BBX: variants seen among roughly 807,000 people sequenced by gnomAD.
BBX encodes HMG box transcription factor BBX.
A neutral mutation model predicts 100.2 loss-of-function variants in BBX; 30 were observed. The ratio of observed to expected loss-of-function variants is 0.30; its 90% confidence interval spans 0.22 to 0.41. The LOEUF is 0.41. Ranked by LOEUF, BBX falls within the 10% of genes least tolerant of loss-of-function variation. The pLI is 1.00. For synonymous variants in BBX, 376 were observed against 388.1 expected (o/e 0.97, Z 0.37); for missense variants, 1,023 against 1,129.8 (o/e 0.91, Z 1.35).
At chr3:107,523,238 C>T in intron 1 of BBX, 131 bp downstream of exon 1, 3 of 224,628 alleles carry the variant, frequency 1.3e-5, no homozygotes, top group Non-Finnish European at 2.7e-5. Context: ...GCGGCGGCGG[C>T]GGCGGCGGCA....
chr3:107,781,949 G>A (rs970935654), intron 13 of BBX, among the ~76,000 whole-genome samples: 1 of 152,126 alleles, frequency 6.6e-6, no homozygotes, highest in African/African-American at 2.4e-5. Flanking sequence ...TGTTTGAGGT[G>A]GGGCCAAGCC....
chr3:107,772,972 A>G lies in BBX; in HGVS notation c.1251A>G (p.Ile417Met). The change falls in exon 11 of 18, where the codon ATA becomes ATG. Residue 417 changes from isoleucine to methionine, a missense_variant. Ile to Met is a conservative substitution (Grantham distance 10). This residue lies in a region of BBX where 348 missense variants were observed against 353.2 expected (regional missense o/e 0.99). Coordinates refer to ENST00000325805, the MANE Select transcript of BBX (RefSeq NM_001142568.3). ...PDFSYSASSK[I>M]IISDVPSRKD... The stretch of plus-strand genomic sequence containing the variant: ...TTTCTTATTCTGCCAGTAGCAAGAT[A>G]ATAATTAGTGATGTTCCCAGTAGAA... 6.2e-7 allele frequency: 1 copy of G among 1,613,500 alleles called. No homozygotes were observed. Among genetic ancestry groups the G allele is most frequent in the Non-Finnish European group, 8.5e-7 (1 of 1,179,882 alleles).
chr3:107,615,332 T>G (rs1037653778), intron 2 of BBX, among the ~76,000 whole-genome samples: 2 of 152,214 alleles, frequency 1.3e-5, no homozygotes, highest in African/African-American at 2.4e-5. Flanking sequence ...CCGTTCAGGC[T>G]GTTAGAACAA....
chr3:107,801,750 G>A (rs1210584716), intron 17 of BBX, among the ~76,000 whole-genome samples: 1 of 152,112 alleles, frequency 6.6e-6, no homozygotes, highest in Non-Finnish European at 1.5e-5. Flanking sequence ...CTGGTGTGTG[G>A]AATGCCCCTT....
At chr3:107,747,272 AGGTGC>A (rs1338848618) in intron 8 of BBX, among the ~76,000 whole-genome samples, 1 of 152,062 alleles carries the variant, frequency 6.6e-6, no homozygotes, top group Non-Finnish European at 1.5e-5. Flanking sequence ...GGGAGGACGC[AGGTGC>A]TATGAAAGAA....
chr3:107,668,065 A>G (rs2058839551), intron 3 of BBX, among the ~76,000 whole-genome samples: 1 of 152,220 alleles, frequency 6.6e-6, no homozygotes, highest in Non-Finnish European at 1.5e-5. Flanking sequence ...TTGTTTTTGT[A>G]AAAACAATGG....
At chr3:107,531,490 G>A (rs1293703903) in intron 2 of BBX, among the ~76,000 whole-genome samples, 1 of 152,008 alleles carries the variant, frequency 6.6e-6, no homozygotes. Flanking sequence ...TTCACAGTTA[G>A]CGCTCAATAT....
chr3:107,703,363 G>T (rs1469526684), intron 3 of BBX, among the ~76,000 whole-genome samples: 2 of 152,148 alleles, frequency 1.3e-5, no homozygotes, highest in African/African-American at 4.8e-5. Flanking sequence ...CTCTTTGGAT[G>T]CCTTGTCTCT....
At chr3:107,739,999 C>T (rs1429332614) in intron 7 of BBX, among the ~76,000 whole-genome samples, 1 of 152,052 alleles carries the variant, frequency 6.6e-6, no homozygotes, top group Admixed American at 6.6e-5. Flanking sequence ...AAAATCCATA[C>T]TCCAGCAGCC....
chr3:107,796,678 G>A (rs982788675), intron 15 of BBX, among the ~76,000 whole-genome samples: 1 of 151,530 alleles, frequency 6.6e-6, no homozygotes, highest in Non-Finnish European at 1.5e-5. Context: ...GTTTCTTACC[G>A]AATTATTTTT....
intron 2 of BBX, among the ~76,000 whole-genome samples, chr3:107,538,902 A>G (rs1414675521): frequency 6.6e-6 from 1 of 151,852 alleles, no homozygotes; most frequent in African/African-American, 2.4e-5. Flanking sequence ...CTCTCGCCTT[A>G]GCTTCCAAGC....
chr3:107,734,623 TTAAC>T (rs1317437757), intron 7 of BBX, among the ~76,000 whole-genome samples: 1 of 152,204 alleles, frequency 6.6e-6, no homozygotes, highest in African/African-American at 2.4e-5. Flanking sequence ...ATCATCTTTC[TTAAC>T]TATTTAAATT....
intron 2 of BBX, among the ~76,000 whole-genome samples, chr3:107,567,282 T>C (rs2050991375): frequency 6.6e-6 from 1 of 152,176 alleles, no homozygotes; most frequent in African/African-American, 2.4e-5. Flanking sequence ...GATTAGAATT[T>C]GTTATTCCTA....
intron 2 of BBX, among the ~76,000 whole-genome samples, chr3:107,552,481 C>G (rs1197280932): frequency 6.6e-6 from 1 of 151,116 alleles, no homozygotes; most frequent in Non-Finnish European, 1.5e-5. Flanking sequence ...CCACAGAAAC[C>G]TAGGCATGGT....
At position 107,716,988 on chromosome 3, in the gene BBX, C is replaced by A. The variant is rs1192996661; in HGVS notation, c.405+139C>A. ...ATGAGATGTTAAGTAAAAACATAAC[C>A]GCTTTCTTTGTATGACTTGTTCCTG... On this transcript the variant is annotated intron_variant, in intron 5 of 17. Coordinates refer to ENST00000325805, the MANE Select transcript of BBX (RefSeq NM_001142568.3). The A allele has an allele frequency of 4.5e-6, 5 of 1,116,234 alleles. No homozygotes were observed. In the South Asian group the frequency reaches 8.1e-5, roughly 18 times the overall value. 69.1% of individuals were successfully genotyped at this position (1,116,234 alleles called of 1,614,324 possible). A position where few individuals can be genotyped will look rare whatever the true frequency, so the allele number is the denominator to read the frequency against.
chr3:107,530,423 A>G (rs1410166922), intron 2 of BBX, among the ~76,000 whole-genome samples: 2 of 152,062 alleles, frequency 1.3e-5, no homozygotes, highest in African/African-American at 4.8e-5. Context: ...AACAAAACAG[A>G]AAAACACAAA....
intron 3 of BBX, among the ~76,000 whole-genome samples, chr3:107,702,096 T>C (rs1454305033): frequency 1.3e-5 from 2 of 152,192 alleles, no homozygotes; most frequent in East Asian, 1.9e-4. Context: ...TGAAAACTTT[T>C]GTAGTAGGGT....
intron 3 of BBX, among the ~76,000 whole-genome samples, chr3:107,670,760 G>T (rs922726473): frequency 2.0e-5 from 3 of 151,904 alleles, no homozygotes; most frequent in Admixed American, 6.6e-5. Flanking sequence ...TTTAATGAGA[G>T]GATCACTTTA....
chr3:107,645,988 C>G (rs2057492696), intron 3 of BBX, 79 bp downstream of exon 3: 1 of 152,578 alleles, frequency 6.6e-6, no homozygotes, highest in Non-Finnish European at 1.5e-5. Flanking sequence ...GCTGTCAGAG[C>G]TGGTCTCAGC....
Sources: gnomAD v4.1 joint callset for allele counts (sites outside exome capture counted in the v4.1 genomes callset) on GRCh38, gnomAD v4.1.1 for gene constraint, gnomAD v4.1.1 regional missense constraint, MANE v1.5 for transcripts, NCBI Gene and HGNC (gene_info 2026-07-23, HGNC 2026-07-21) for gene names.